The following RBMS3 variants were observed in gnomAD, a reference collection of about 807,000 sequenced individuals.
RBMS3 encodes RNA-binding motif, single-stranded-interacting protein 3.
RBMS3 carries 27 observed loss-of-function variants against 66.8 expected under a neutral mutation model. The observed-to-expected ratio is 0.40, with a 90% CI of 0.30 to 0.56. The LOEUF (loss-of-function observed/expected upper bound fraction) is 0.56, where lower values mean the gene tolerates loss of function less well. RBMS3 is among the 20% of genes least tolerant of loss of function. The pLI, the probability that RBMS3 is intolerant of heterozygous loss-of-function variation, is 0.40. For missense variants in RBMS3, 513 were observed against 549.5 expected (o/e 0.93, Z 0.66); for synonymous variants, 188 against 183.0 (o/e 1.03, Z -0.22).
intron 4 of RBMS3, among the ~76,000 whole-genome samples, chr3:29,697,509 T>C (rs9870860): frequency 0.042 from 6,347 of 152,342 alleles, 148 homozygotes; most frequent in Admixed American, 0.074. Context: ...AGGAGTTTAT[T>C]TTAATCTAAT....
rs58403198 is a variant in RBMS3, at chr3:29,643,209, C to T, written c.399+56004C>T. Among the ~76,000 whole-genome samples, 1,013 of 152,220 alleles carry T rather than the reference C, an allele frequency of 6.7e-3. 12 individuals are homozygous for T. Among genetic ancestry groups the T allele is most frequent in the African/African-American group, 0.023 (964 of 41,550 alleles). Reference sequence around the variant, plus strand: ...CCAGCCAGATTTAATCTGACAGCCACAGTCAGGGAAGAGCGCTACCAATCT... The same window carrying T: ...CCAGCCAGATTTAATCTGACAGCCATAGTCAGGGAAGAGCGCTACCAATCT... On this transcript the variant is annotated intron_variant, in intron 4 of 14. Coordinates refer to ENST00000383767, the MANE Select transcript of RBMS3 (RefSeq NM_001003793.3).
chr3:29,576,796 G>A (rs2047138002), intron 3 of RBMS3, among the ~76,000 whole-genome samples: 1 of 152,124 alleles, frequency 6.6e-6, no homozygotes, highest in Non-Finnish European at 1.5e-5. Context: ...CCAGGCCACT[G>A]CCCATGTTCC....
chr3:29,905,887 G>A (rs1453579011), intron 10 of RBMS3, among the ~76,000 whole-genome samples: 2 of 151,976 alleles, frequency 1.3e-5, no homozygotes, highest in East Asian at 3.9e-4. Flanking sequence ...TAAACTGATA[G>A]GAAATGTCCA....
chr3:29,978,032 T>G (rs1245198165), intron 12 of RBMS3, among the ~76,000 whole-genome samples: 1 of 152,162 alleles, frequency 6.6e-6, no homozygotes, highest in Non-Finnish European at 1.5e-5. Context: ...CTCTGCCATT[T>G]ATTAGCTGGA....
At chr3:29,814,739 CGTGCACATT>C (rs1388183846) in intron 6 of RBMS3, among the ~76,000 whole-genome samples, 4 of 152,078 alleles carry the variant, frequency 2.6e-5, no homozygotes, top group African/African-American at 9.7e-5. Context: ...AATTTATCCA[CGTGCACATT>C]GTGCACATGT....
At chr3:29,801,232 A>G (rs1257265810) in intron 6 of RBMS3, among the ~76,000 whole-genome samples, 1 of 150,632 alleles carries the variant, frequency 6.6e-6, no homozygotes, top group Non-Finnish European at 1.5e-5. Flanking sequence ...TGGTTTAACT[A>G]TGTTACTAGT....
intron 2 of RBMS3, among the ~76,000 whole-genome samples, chr3:29,483,618 G>A (rs1427763281): frequency 6.6e-6 from 1 of 152,172 alleles, no homozygotes; most frequent in Non-Finnish European, 1.5e-5. Context: ...TATCAAACTC[G>A]AAATGCTGTT....
At chr3:29,556,629 G>T (rs2046377192) in intron 3 of RBMS3, among the ~76,000 whole-genome samples, 1 of 151,874 alleles carries the variant, frequency 6.6e-6, no homozygotes, top group African/African-American at 2.4e-5. Flanking sequence ...GAAAATGAAT[G>T]AACAAGGTAT....
chr3:29,382,800 T>C (rs1226386716), intron 1 of RBMS3, among the ~76,000 whole-genome samples: 2 of 152,140 alleles, frequency 1.3e-5, no homozygotes, highest in East Asian at 3.9e-4. Context: ...ACAGTTTTAA[T>C]ATAGAATCCA....
chr3:29,776,462 A>G (rs1003172238), intron 6 of RBMS3, among the ~76,000 whole-genome samples: 3 of 151,982 alleles, frequency 2.0e-5, no homozygotes, highest in African/African-American at 4.8e-5. Flanking sequence ...ACATGTATAC[A>G]TATGTAACAA....
intron 1 of RBMS3, among the ~76,000 whole-genome samples, chr3:29,393,923 A>T (rs73040679): frequency 0.13 from 20,456 of 152,140 alleles, 1,713 homozygotes; most frequent in East Asian, 0.35. Flanking sequence ...GCAGAGCAAG[A>T]TCACAAGGCT....
chr3:29,575,119 A>G (rs2047074248), intron 3 of RBMS3, among the ~76,000 whole-genome samples: 1 of 152,154 alleles, frequency 6.6e-6, no homozygotes, highest in South Asian at 2.1e-4. Context: ...CTTCTTGCTC[A>G]CTAACATCTT....
intron 3 of RBMS3, among the ~76,000 whole-genome samples, chr3:29,543,469 G>A (rs1483267464): frequency 2.6e-5 from 4 of 152,182 alleles, no homozygotes; most frequent in Non-Finnish European, 5.9e-5. Flanking sequence ...AGCACTTTGG[G>A]AGGCTGAAGC....
intron 12 of RBMS3, among the ~76,000 whole-genome samples, chr3:29,986,653 C>A (rs1047964304): frequency 6.6e-6 from 1 of 152,170 alleles, no homozygotes; most frequent in East Asian, 1.9e-4. Context: ...GTTGAAAAGG[C>A]AGATGCTGGC....
intron 3 of RBMS3, among the ~76,000 whole-genome samples, chr3:29,524,389 T>G (rs1357945078): frequency 6.7e-6 from 1 of 148,298 alleles, no homozygotes; most frequent in Non-Finnish European, 1.5e-5. Flanking sequence ...CACTTTAACC[T>G]GGAAGATATG....
chr3:29,750,498 A>G lies in RBMS3; in HGVS notation c.557+10621A>G, dbSNP rs945162229. 1.6e-4 allele frequency among the ~76,000 whole-genome samples: 24 copies of G among 152,322 alleles called. 1 individual carries two copies. Among genetic ancestry groups the G allele is most frequent in the African/African-American group, 5.8e-4 (24 of 41,572 alleles). ...ACATATCTGAATTTAAGAATCTCAT[A>G]TAATTTTGGAATACATGTTAATACA... On this transcript the variant is annotated intron_variant, in intron 5 of 14. Transcript: ENST00000383767.
rs555386695 is a variant in RBMS3 at position 29,941,693 on chromosome 3, CAT to C, written c.1051-2512_1051-2511del. On this transcript the variant is annotated intron_variant, in intron 11 of 14. Transcript: ENST00000383767. ...ATTCTGAATTCAAATAAATTACCGA[CAT>C]AGTAAAAAAGCCTCAATAGATAAAA... Among the ~76,000 whole-genome samples, 10 of 151,554 alleles carry C rather than the reference CAT, an allele frequency of 6.6e-5. No individual in the cohort carries two copies. The South Asian group carries it at 2.1e-3, about 32-fold the overall frequency.
intron 4 of RBMS3, among the ~76,000 whole-genome samples, chr3:29,647,902 A>G (rs962749225): frequency 2.0e-5 from 3 of 152,314 alleles, no homozygotes; most frequent in Non-Finnish European, 2.9e-5. Flanking sequence ...ATTGCATAAG[A>G]ATGGTTAAGA....
intron 1 of RBMS3, among the ~76,000 whole-genome samples, chr3:29,392,389 T>A (rs2039341479): frequency 6.6e-6 from 1 of 152,240 alleles, no homozygotes; most frequent in African/African-American, 2.4e-5. Flanking sequence ...TTATTCCATC[T>A]CATCCACCTG....
Sources: gnomAD v4.1 joint callset for allele counts (sites outside exome capture counted in the v4.1 genomes callset) on GRCh38, gnomAD v4.1.1 for gene constraint, MANE v1.5 for transcripts, NCBI Gene and HGNC (gene_info 2026-07-23, HGNC 2026-07-21) for gene names.